Variants in GPR158 observed in about 807,000 individuals in gnomAD.
The protein encoded by GPR158 is metabotropic glycine receptor.
GPR158 carries 30 observed loss-of-function variants against 78.2 expected under a neutral mutation model. That is an observed-to-expected ratio of 0.38 (90% CI 0.29 to 0.52). The LOEUF is 0.52. GPR158 is among the 20% of genes least tolerant of loss of function. GPR158 has a pLI of 0.83. For missense variants in GPR158, 1,463 were observed against 1,523.5 expected (o/e 0.96, Z 0.66); for synonymous variants, 581 against 591.1 (o/e 0.98, Z 0.25).
At chr10:25,438,736 T>A (rs1297375218) in intron 4 of GPR158, among the ~76,000 whole-genome samples, 2 of 152,220 alleles carry the variant, frequency 1.3e-5, no homozygotes, top group African/African-American at 2.4e-5. Context: ...TCAAGGCATC[T>A]TGAGCCAGTC....
At chr10:25,238,058 T>TCC (rs1410187416) in intron 2 of GPR158, among the ~76,000 whole-genome samples, 1 of 152,016 alleles carries the variant, frequency 6.6e-6, no homozygotes, top group African/African-American at 2.4e-5. Flanking sequence ...TTTCTTTTCT[T>TCC]TTCTCTCCTT....
chr10:25,490,988 G>T (rs949171444), intron 5 of GPR158, among the ~76,000 whole-genome samples: 1 of 151,714 alleles, frequency 6.6e-6, no homozygotes, highest in African/African-American at 2.4e-5. Context: ...GAAAATTTGT[G>T]TTGGGGGGGT....
At chr10:25,541,902 CA>C (rs1836591036) in intron 5 of GPR158, among the ~76,000 whole-genome samples, 1 of 145,270 alleles carries the variant, frequency 6.9e-6, no homozygotes, top group Non-Finnish European at 1.5e-5. Flanking sequence ...GACTAGGAAG[CA>C]GGGGGAAATT....
intron 4 of GPR158, among the ~76,000 whole-genome samples, chr10:25,416,242 T>A (rs1178975994): frequency 6.6e-6 from 1 of 152,158 alleles, no homozygotes; most frequent in African/African-American, 2.4e-5. Context: ...TTTGAAAGAA[T>A]GAGAGGTTGG....
rs1231142492 is a variant in GPR158, at chr10:25,572,688, T to G, written c.1554T>G (p.Ile518Met). ...TTCTTTCACGAACGGCTCAACGAAT[T>G]CCATATATGACTGGCGGACGGGTCA... ...KVFLSRTAQR[I>M]PYMTGGRVMR... Residue 518 changes from isoleucine (I) to methionine (M), a missense_variant, in exon 7 of 11, where the codon ATT becomes ATG. Ile to Met is a conservative substitution (Grantham distance 10). Transcript: ENST00000376351. 6.2e-7 allele frequency: 1 copy of G among 1,613,920 alleles called. No individual in the cohort carries two copies. Among genetic ancestry groups the G allele is most frequent in the Non-Finnish European group, 8.5e-7 (1 of 1,179,912 alleles).
chr10:25,270,074 C>T (rs911117886), intron 2 of GPR158, among the ~76,000 whole-genome samples: 7 of 152,086 alleles, frequency 4.6e-5, no homozygotes, highest in Admixed American at 1.3e-4. Context: ...GGGAGATCTA[C>T]GGGTTGATGG....
intron 3 of GPR158, among the ~76,000 whole-genome samples, chr10:25,400,793 T>C (rs1375809709): frequency 6.6e-6 from 1 of 152,186 alleles, no homozygotes; most frequent in Non-Finnish European, 1.5e-5. Context: ...TCTTTGGCCT[T>C]TTGGATTGAC....
intron 2 of GPR158, among the ~76,000 whole-genome samples, chr10:25,279,915 A>T (rs985947744): frequency 6.6e-6 from 1 of 152,000 alleles, no homozygotes; most frequent in Admixed American, 6.6e-5. Flanking sequence ...ACCACTAGCG[A>T]TTAATTTTAG....
At chr10:25,238,528 G>T (rs1054846705) in intron 2 of GPR158, among the ~76,000 whole-genome samples, 4 of 152,164 alleles carry the variant, frequency 2.6e-5, no homozygotes, top group Non-Finnish European at 2.9e-5. Flanking sequence ...TAGAATGATT[G>T]CTTAGTGTGG....
chr10:25,297,712 G>C (rs868215009), intron 2 of GPR158, among the ~76,000 whole-genome samples: 1 of 152,178 alleles, frequency 6.6e-6, no homozygotes, highest in African/African-American at 2.4e-5. Flanking sequence ...AGTGGCTTGT[G>C]AACCATGACC....
intron 2 of GPR158, among the ~76,000 whole-genome samples, chr10:25,228,246 G>A (rs1042077328): frequency 6.6e-6 from 1 of 152,092 alleles, no homozygotes; most frequent in East Asian, 1.9e-4. Context: ...CTGCACTTCA[G>A]CCTGGGCAAT....
chr10:25,383,189 G>T (rs1166770620), intron 2 of GPR158, among the ~76,000 whole-genome samples: 1 of 152,162 alleles, frequency 6.6e-6, no homozygotes. Flanking sequence ...CAAAGAAGGA[G>T]TAAAAAAATA....
chr10:25,526,258 G>A (rs1188374485), intron 5 of GPR158, among the ~76,000 whole-genome samples: 1 of 151,988 alleles, frequency 6.6e-6, no homozygotes, highest in Non-Finnish European at 1.5e-5. Flanking sequence ...AAAGCAGGCA[G>A]AAACTAGAAG....
chr10:25,597,437 C>T (rs532803471), intron 10 of GPR158, among the ~76,000 whole-genome samples: 5 of 152,268 alleles, frequency 3.3e-5, no homozygotes, highest in Middle Eastern at 3.4e-3. Context: ...TACATGAGTT[C>T]GTGTCTTAAA....
At chr10:25,288,666 G>A (rs1310184002) in intron 2 of GPR158, among the ~76,000 whole-genome samples, 2 of 152,186 alleles carry the variant, frequency 1.3e-5, no homozygotes, top group African/African-American at 2.4e-5. Context: ...CATATCCAAA[G>A]TTAAAATATC....
chr10:25,178,998 T>G (rs547589482), intron 1 of GPR158, among the ~76,000 whole-genome samples: 1 of 152,342 alleles, frequency 6.6e-6, no homozygotes, highest in East Asian at 1.9e-4. Context: ...ACATACTTTA[T>G]TCTCTATCAT....
chr10:25,408,104 T>C (rs1834538632), intron 3 of GPR158, among the ~76,000 whole-genome samples: 1 of 152,232 alleles, frequency 6.6e-6, no homozygotes, highest in African/African-American at 2.4e-5. Context: ...AAGTAAATAA[T>C]GTATACTGTT....
chr10:25,556,699 C>T (rs61122250), intron 6 of GPR158, among the ~76,000 whole-genome samples: 14 of 152,260 alleles, frequency 9.2e-5, no homozygotes, highest in African/African-American at 2.9e-4. Flanking sequence ...TGAGCAAGTT[C>T]GAAAGCCAAG....
At chr10:25,587,014 G>A (rs952929630) in intron 7 of GPR158, among the ~76,000 whole-genome samples, 11 of 152,286 alleles carry the variant, frequency 7.2e-5, no homozygotes, top group East Asian at 5.8e-4. Flanking sequence ...CTTGCTGACC[G>A]ACTAAAATTA....
Sources: gnomAD v4.1 joint callset for allele counts (sites outside exome capture counted in the v4.1 genomes callset) on GRCh38, gnomAD v4.1.1 for gene constraint, MANE v1.5 for transcripts, NCBI Gene and HGNC (gene_info 2026-07-23, HGNC 2026-07-21) for gene names.